SHANK2: variants seen among roughly 807,000 people sequenced by gnomAD.
SHANK2 encodes SH3 and multiple ankyrin repeat domains 2.
Under a neutral mutation model 133.7 loss-of-function variants are expected in SHANK2, and 43 were observed. The ratio of observed to expected loss-of-function variants is 0.32; its 90% CI spans 0.25 to 0.41. The LOEUF is 0.41. SHANK2 is among the 10% of genes least tolerant of loss of function. The probability of loss-of-function intolerance (pLI) is 1.00; values close to 1 mark genes in which losing one functional copy is unlikely to be tolerated. For synonymous variants in SHANK2, 1,017 were observed against 952.8 expected, an observed-to-expected ratio of 1.07 and a Z score of -1.24; for missense variants, 1,994 against 2,235.8, an observed-to-expected ratio of 0.89 and a Z score of 2.18.
At chr11:70,872,911 G>A in intron 11 of SHANK2, 1 of 439,972 alleles carries the variant, frequency 2.3e-6, no homozygotes, top group Admixed American at 2.4e-5. Context: ...CCTCGGGGCA[G>A]GAGGAGCACA....
At chr11:71,073,109 G>C (rs953712300) in intron 9 of SHANK2, among the ~76,000 whole-genome samples, 2 of 140,948 alleles carry the variant, frequency 1.4e-5, no homozygotes, top group African/African-American at 5.1e-5. Flanking sequence ...CCATGCAGTG[G>C]TGGAAGGCTT....
intron 11 of SHANK2, chr11:70,864,532 G>A (rs1949321167): frequency 6.6e-6 from 1 of 152,214 alleles, no homozygotes; most frequent in East Asian, 1.9e-4. Context: ...CTTGTGACTT[G>A]GAGGATTCTC....
In SHANK2 at chr11:70,487,746, T is replaced by G; in HGVS notation, c.2573-26A>C. On this transcript the variant is annotated intron_variant, in intron 24 of 25. Coordinates refer to ENST00000601538, the MANE Select transcript of SHANK2 (RefSeq NM_012309.5). The surrounding 1 kb of genome is among the most constrained non-coding windows in gnomAD (Gnocchi z 5.8). ...CTACAAGCAGAAAACAGGTTTAGCT[T>G]TAAGTCACAATAGCAACAAAGCCTA... The G allele has an allele frequency of 6.4e-7, 1 of 1,551,002 alleles. No homozygotes were observed. The highest frequency in any genetic ancestry group is 1.2e-5 in the South Asian group (1 of 84,092).
chr11:71,149,914 A>G (rs2135415256), intron 2 of SHANK2, among the ~76,000 whole-genome samples: 1 of 31,356 alleles, frequency 3.2e-5, no homozygotes, highest in African/African-American at 1.9e-4. Flanking sequence ...GAGGAAGGTA[A>G]GAAGGGAGGG....
intron 11 of SHANK2, among the ~76,000 whole-genome samples, chr11:70,839,436 G>A (rs1017588737): frequency 1.5e-4 from 23 of 152,314 alleles, no homozygotes; most frequent in African/African-American, 5.1e-4. Context: ...CACCCCCCTG[G>A]TAGAGAGGGC....
In SHANK2 at chr11:71,197,548, C is replaced by A. The variant is rs756289695; in HGVS notation, c.-13+27149G>T. On this transcript the variant is annotated intron_variant, in intron 2 of 25. Transcript: ENST00000601538. ...TCTCTGTCTCTCCATCTGGGCAAATCCCATCTGCTCTATCAGATGGTGAAT... is the reference window on the plus strand; with the variant it reads ...TCTCTGTCTCTCCATCTGGGCAAATACCATCTGCTCTATCAGATGGTGAAT... 6.1e-4 allele frequency among the ~76,000 whole-genome samples: 93 copies of A among 152,250 alleles called. 2 individuals are homozygous for A. Among genetic ancestry groups the A allele is most frequent in the Non-Finnish European group, 5.0e-4 (34 of 68,046 alleles).
chr11:70,578,521 G>A (rs888426670), intron 17 of SHANK2, among the ~76,000 whole-genome samples: 1 of 152,130 alleles, frequency 6.6e-6, no homozygotes, highest in Admixed American at 6.5e-5. Context: ...GACGGGCTCC[G>A]GAGGCCCACA....
chr11:70,750,174 CA>C (rs1946724390), intron 14 of SHANK2, among the ~76,000 whole-genome samples: 2 of 152,170 alleles, frequency 1.3e-5, no homozygotes, highest in African/African-American at 4.8e-5. Flanking sequence ...GTGAGTTTCC[CA>C]TTTTTTCCCT....
chr11:70,656,236 T>C (rs1187485691), intron 17 of SHANK2, among the ~76,000 whole-genome samples: 2 of 152,204 alleles, frequency 1.3e-5, no homozygotes, highest in Admixed American at 6.5e-5. Context: ...TCACTCTCCT[T>C]TGAAACTCTC....
intron 14 of SHANK2, among the ~76,000 whole-genome samples, chr11:70,711,331 TC>T (rs1945778782): frequency 1.3e-5 from 2 of 152,064 alleles, no homozygotes; most frequent in African/African-American, 4.8e-5. Context: ...CCCGAACGCC[TC>T]CCTCCCACGC....
At chr11:71,199,219 G>A (rs1953971838) in intron 2 of SHANK2, among the ~76,000 whole-genome samples, 1 of 152,204 alleles carries the variant, frequency 6.6e-6, no homozygotes. Flanking sequence ...AGACCTCTCT[G>A]AACCTTAGCC....
intron 14 of SHANK2, among the ~76,000 whole-genome samples, chr11:70,737,465 G>A (rs1264300169): frequency 6.6e-6 from 1 of 152,094 alleles, no homozygotes; most frequent in Non-Finnish European, 1.5e-5. Context: ...CCAGAAACAC[G>A]TGCCAGGCAC....
chr11:70,819,270 CTG>C (rs1948469055), intron 12 of SHANK2, among the ~76,000 whole-genome samples: 1 of 152,250 alleles, frequency 6.6e-6, no homozygotes, highest in Non-Finnish European at 1.5e-5. Flanking sequence ...TACGTTCTGG[CTG>C]TGTGACCTCG....
intron 14 of SHANK2, among the ~76,000 whole-genome samples, chr11:70,703,977 T>G (rs1945603012): frequency 6.6e-6 from 1 of 152,200 alleles, no homozygotes; most frequent in African/African-American, 2.4e-5. Context: ...TTGATCCCAG[T>G]GAGTGACGGG....
At chr11:70,940,154 A>C in intron 10 of SHANK2, among the ~76,000 whole-genome samples, 1 of 42,920 alleles carries the variant, frequency 2.3e-5, no homozygotes, top group Non-Finnish European at 5.3e-5. Context: ...AAGAGAATCA[A>C]TTTCCTTCCT....
chr11:70,729,595 G>T (rs1028908152), intron 14 of SHANK2, among the ~76,000 whole-genome samples: 10 of 151,406 alleles, frequency 6.6e-5, no homozygotes, highest in Non-Finnish European at 1.2e-4. Flanking sequence ...TGCGATCTCG[G>T]CTCACTGCAA....
chr11:71,114,997 G>A (rs549344370), intron 4 of SHANK2, among the ~76,000 whole-genome samples: 1 of 152,210 alleles, frequency 6.6e-6, no homozygotes, highest in African/African-American at 2.4e-5. Context: ...ACCGGCTCAG[G>A]ACCACAGACC....
chr11:70,507,476 C>T (rs1197825412), intron 17 of SHANK2, among the ~76,000 whole-genome samples: 6 of 152,202 alleles, frequency 3.9e-5, no homozygotes, highest in African/African-American at 1.2e-4. Context: ...ACACATTGAC[C>T]TTCTGCCCAG....
At chr11:71,210,223 TA>T (rs1954231475) in intron 2 of SHANK2, among the ~76,000 whole-genome samples, 2 of 64,174 alleles carry the variant, frequency 3.1e-5, no homozygotes, top group African/African-American at 6.1e-5. Flanking sequence ...TATATATATA[TA>T]TATATATATA....
Sources: gnomAD v4.1 joint callset for allele counts (sites outside exome capture counted in the v4.1 genomes callset) on GRCh38, gnomAD v4.1.1 for gene constraint, Gnocchi (gnomAD v3.1) non-coding constraint, MANE v1.5 for transcripts, NCBI Gene and HGNC (gene_info 2026-07-23, HGNC 2026-07-21) for gene names.